The following COL27A1 variants were observed in gnomAD, a reference collection of about 807,000 sequenced individuals.
COL27A1 encodes the protein collagen type XXVII alpha 1 chain, also known as collagen alpha-1(XXVII) chain.
In COL27A1, 106 loss-of-function variants were observed where a neutral mutation model predicts 251.3. The ratio of observed to expected loss-of-function variants is 0.42; its 90% CI spans 0.36 to 0.50. The LOEUF (loss-of-function observed/expected upper bound fraction) is 0.50. COL27A1 is among the 20% of genes least tolerant of loss of function. The pLI is 0.00. For missense variants in COL27A1, 2,325 were observed against 2,522.8 expected, an observed-to-expected ratio of 0.92 and a Z score of 1.68; for synonymous variants, 1,000 against 986.3, an observed-to-expected ratio of 1.01 and a Z score of -0.26.
chr9:114,234,212 TAAA>T (rs11415885), intron 16 of COL27A1, among the ~76,000 whole-genome samples: 1,888 of 89,332 alleles, frequency 0.021, 31 homozygotes, highest in African/African-American at 0.047. Context: ...TCTTGGACAT[TAAA>T]AAAAAAAAAA....
intron 16 of COL27A1, among the ~76,000 whole-genome samples, chr9:114,232,446 C>T (rs1832032199): frequency 2.0e-5 from 3 of 152,218 alleles, no homozygotes; most frequent in African/African-American, 4.8e-5. Context: ...GGGCCCAGAG[C>T]AAAGCAGCAT....
chr9:114,205,222 T>A (rs1033201387), intron 8 of COL27A1, 76 bp downstream of exon 8: 23 of 1,374,320 alleles, frequency 1.7e-5, no homozygotes, highest in Non-Finnish European at 2.3e-5. Flanking sequence ...GCCCCCTCCC[T>A]AGATCCTGCT....
chr9:114,304,551 AT>A, intron 56 of COL27A1, 56 bp from the exon 57 acceptor site: 1 of 1,540,458 alleles, frequency 6.5e-7, no homozygotes, highest in Non-Finnish European at 9.0e-7. Context: ...CTCCCACTTG[AT>A]GGGTGTGGAG....
intron 25 of COL27A1, among the ~76,000 whole-genome samples, chr9:114,250,923 G>C (rs76051882): frequency 0.01 from 1,574 of 152,228 alleles, 27 homozygotes; most frequent in African/African-American, 0.035. Context: ...TGTGACCTGG[G>C]CTCCTCACAG....
Position 114,290,676 on chromosome 9 carries a change from G to T in COL27A1, c.4369-134G>T. Reference sequence around the variant, plus strand: ...CCTGGTCCAGCCACATCACACACAGGCCGTCTGACCTCCATCCTGGAGTGT... The same window carrying T: ...CCTGGTCCAGCCACATCACACACAGTCCGTCTGACCTCCATCCTGGAGTGT... On this transcript the variant is annotated intron_variant, in intron 47 of 60. Transcript: ENST00000356083. The surrounding 1 kb of genome is among the most constrained non-coding windows in gnomAD (Gnocchi z 4.6). 1.5e-6 allele frequency: 1 copy of T among 670,820 alleles called. No individual in the cohort carries two copies. Among genetic ancestry groups the T allele is most frequent in the South Asian group, 1.9e-5 (1 of 52,100 alleles). The allele number at this position is 670,820 out of a possible 1,614,324, so 41.6% of individuals were successfully genotyped here.
chr9:114,305,458 C>A (rs1244510322), intron 57 of COL27A1, among the ~76,000 whole-genome samples: 1 of 152,198 alleles, frequency 6.6e-6, no homozygotes, highest in East Asian at 1.9e-4. Flanking sequence ...AGAGCGCTGA[C>A]CTGCAACATC....
intron 12 of COL27A1, among the ~76,000 whole-genome samples, chr9:114,213,966 T>C (rs10120783): frequency 0.013 from 2,021 of 152,260 alleles, 48 homozygotes; most frequent in African/African-American, 0.045. Context: ...GCCCTAGACC[T>C]GTGCAATACC....
chr9:114,276,009 G>A (rs374436876), intron 37 of COL27A1, among the ~76,000 whole-genome samples: 6 of 152,246 alleles, frequency 3.9e-5, no homozygotes, highest in South Asian at 2.1e-4. Context: ...GGTCCCTGCC[G>A]ACCTCATCTC....
chr9:114,272,512 C>T (rs1483675019), intron 36 of COL27A1: 3 of 152,194 alleles, frequency 2.0e-5, no homozygotes, highest in Admixed American at 2.0e-4. Context: ...GGTGTTTGTC[C>T]AGGAATCACC....
At chr9:114,210,310 A>C (rs112500073) in intron 11 of COL27A1, among the ~76,000 whole-genome samples, 2 of 152,372 alleles carry the variant, frequency 1.3e-5, no homozygotes, top group Admixed American at 6.5e-5. Context: ...ACAGAGCCAA[A>C]GATATTCACT....
intron 5 of COL27A1, among the ~76,000 whole-genome samples, chr9:114,188,460 G>A (rs1828533717): frequency 6.6e-6 from 1 of 152,132 alleles, no homozygotes; most frequent in Non-Finnish European, 1.5e-5. Context: ...AAAACTTGGA[G>A]GGCCTCAGCT....
intron 5 of COL27A1, among the ~76,000 whole-genome samples, chr9:114,187,995 G>C (rs1828501022): frequency 6.6e-6 from 1 of 152,226 alleles, no homozygotes; most frequent in Non-Finnish European, 1.5e-5. Flanking sequence ...GGGCAGACAA[G>C]CCCCAAATTG....
chr9:114,275,700 G>A lies in COL27A1; in HGVS notation c.3649G>A (p.Glu1217Lys), dbSNP rs778523272. 1.3e-5 allele frequency: 20 copies of A among 1,550,230 alleles called. No homozygotes were observed. The highest frequency in any genetic ancestry group is 8.3e-5 in the South Asian group (7 of 84,026). The change falls in exon 37 of 61, where the codon GAG becomes AAG. Residue 1217 changes from glutamate (E) to lysine (K), a missense_variant. Around this residue, in one of 4 missense-constraint regions of COL27A1, gnomAD observed 662 missense variants for 795.3 expected, o/e 0.83. Coordinates refer to ENST00000356083, the MANE Select transcript of COL27A1 (RefSeq NM_032888.4). ...CCCAGGGCCTGATGGAGAACATGGC[G>A]AGAAAGGCCAGGAAGGGCTGATGGG... is the stretch of plus-strand genomic sequence containing the variant. ...GDPGPDGEHG[E>K]KGQEGLMGED...
At chr9:114,244,680 G>A (rs528809686) in intron 23 of COL27A1, among the ~76,000 whole-genome samples, 1 of 152,236 alleles carries the variant, frequency 6.6e-6, no homozygotes, top group African/African-American at 2.4e-5. Flanking sequence ...GCCGAAGGGG[G>A]AGGAGGCTCC....
chr9:114,169,505 G>C, intron 3 of COL27A1, 42 bp downstream of exon 3: 1 of 1,426,448 alleles, frequency 7.0e-7, no homozygotes, highest in East Asian at 2.3e-5. Flanking sequence ...GAGCTCCAGT[G>C]GGGGACTGGG....
At chr9:114,175,244 G>A (rs1564429597) in intron 3 of COL27A1, among the ~76,000 whole-genome samples, 1 of 152,220 alleles carries the variant, frequency 6.6e-6, no homozygotes, top group East Asian at 1.9e-4. Flanking sequence ...CCCCCGCTCT[G>A]CTCCCCCTCA....
rs374635579 is a variant in COL27A1, at chr9:114,292,079, T to C, written c.4477-24T>C. 4 of 1,548,350 alleles carry C rather than the reference T, an allele frequency of 2.6e-6. No homozygotes were observed. In the South Asian group the frequency reaches 3.6e-5, roughly 14 times the overall value. Reference sequence around the variant, plus strand: ...TAGAACCCCTTCCCACTTTGACTGGTAATTTTTTGTGTGTTTCTTTAAGGG... The same window carrying C: ...TAGAACCCCTTCCCACTTTGACTGGCAATTTTTTGTGTGTTTCTTTAAGGG... On this transcript the variant is annotated intron_variant, in intron 48 of 60. Transcript: ENST00000356083.
intron 1 of COL27A1, among the ~76,000 whole-genome samples, chr9:114,156,543 G>A (rs1347567428): frequency 6.6e-6 from 1 of 152,078 alleles, no homozygotes; most frequent in African/African-American, 2.4e-5. Flanking sequence ...GGAAATCTCC[G>A]CGTGTTTGTG....
intron 21 of COL27A1, among the ~76,000 whole-genome samples, chr9:114,241,465 C>T (rs1588740965): frequency 6.6e-6 from 1 of 152,174 alleles, no homozygotes; most frequent in Non-Finnish European, 1.5e-5. Flanking sequence ...CTTGGTCAGG[C>T]CTGGCATGCC....
Sources: allele counts gnomAD v4.1 joint callset (sites outside exome capture counted in the v4.1 genomes callset), GRCh38; gene constraint gnomAD v4.1.1; regional missense constraint gnomAD v4.1.1; non-coding constraint Gnocchi (gnomAD v3.1); transcripts MANE v1.5; gene names NCBI Gene and HGNC (gene_info 2026-07-23, HGNC 2026-07-21).